The following MAF variants were observed in gnomAD, a reference collection of about 807,000 sequenced individuals.
The protein encoded by MAF is MAF bZIP transcription factor, also known as transcription factor Maf.
MAF carries 10 observed loss-of-function variants against 22.0 expected under a neutral mutation model. That is an observed-to-expected ratio of 0.45 (90% CI 0.28 to 0.77). The LOEUF (loss-of-function observed/expected upper bound fraction) is 0.77. Ranked by LOEUF, MAF falls within the 30% of genes least tolerant of loss-of-function variation. The pLI is 0.12. For missense variants in MAF, 544 were observed against 548.4 expected, an observed-to-expected ratio of 0.99 and a Z score of 0.08; for synonymous variants, 337 against 255.8, an observed-to-expected ratio of 1.32 and a Z score of -3.03.
the MAF span, among the ~76,000 whole-genome samples, chr16:79,459,952 G>A: frequency 6.6e-6 from 1 of 152,120 alleles, no homozygotes; most frequent in Non-Finnish European, 1.5e-5. Context: ...TAAAATCAAG[G>A]AAGCGTATTT....
At chr16:79,384,167 G>C in the MAF span, among the ~76,000 whole-genome samples, 1 of 152,236 alleles carries the variant, frequency 6.6e-6, no homozygotes, top group South Asian at 2.1e-4. Context: ...GTGATGGCCG[G>C]GGGTGGTGAC....
the MAF span, among the ~76,000 whole-genome samples, chr16:79,414,084 T>C: frequency 2.0e-5 from 3 of 152,200 alleles, no homozygotes; most frequent in South Asian, 6.2e-4. Context: ...GCCAGCTTGG[T>C]GGTTGAGGGT....
the MAF span, among the ~76,000 whole-genome samples, chr16:79,310,367 GAT>G: frequency 6.8e-4 from 103 of 151,292 alleles, 1 homozygote; most frequent in African/African-American, 1.6e-3. Context: ...ACGAGAGAGA[GAT>G]AGAGACAGAG....
At chr16:79,287,642 G>A in the MAF span, among the ~76,000 whole-genome samples, 2 of 152,234 alleles carry the variant, frequency 1.3e-5, no homozygotes, top group Non-Finnish European at 2.9e-5. Flanking sequence ...ACTGCATGCA[G>A]AAACATCCAC....
At chr16:79,511,944 C>G in the MAF span, among the ~76,000 whole-genome samples, 3 of 152,174 alleles carry the variant, frequency 2.0e-5, no homozygotes, top group African/African-American at 4.8e-5. Flanking sequence ...CACAGATTGG[C>G]CAGACTGCTG....
At chr16:79,451,328 A>G in the MAF span, among the ~76,000 whole-genome samples, 4 of 152,232 alleles carry the variant, frequency 2.6e-5, no homozygotes, top group African/African-American at 9.6e-5. Flanking sequence ...GGAGGCTAAT[A>G]GGACCACAAA....
At chr16:79,392,143 G>A in the MAF span, among the ~76,000 whole-genome samples, 41 of 149,676 alleles carry the variant, frequency 2.7e-4, 1 homozygote, top group East Asian at 8.1e-3. Flanking sequence ...AACTGGGGAG[G>A]GGGAGAGAGA....
the MAF span, among the ~76,000 whole-genome samples, chr16:79,532,705 T>C: frequency 6.6e-6 from 1 of 152,206 alleles, no homozygotes; most frequent in East Asian, 1.9e-4. Context: ...TGTGAGTGTG[T>C]GTGCGCGTGC....
the MAF span, among the ~76,000 whole-genome samples, chr16:79,356,427 C>T: frequency 1.3e-5 from 2 of 152,162 alleles, no homozygotes; most frequent in African/African-American, 2.4e-5. Flanking sequence ...ATCTCTTATT[C>T]TTGCTATAGA....
At chr16:79,519,462 G>T in the MAF span, among the ~76,000 whole-genome samples, 1 of 152,182 alleles carries the variant, frequency 6.6e-6, no homozygotes, top group Non-Finnish European at 1.5e-5. Flanking sequence ...CGTTTCCAGG[G>T]AGAGCTGCTG....
chr16:79,307,037 C>T, the MAF span, among the ~76,000 whole-genome samples: 1 of 152,216 alleles, frequency 6.6e-6, no homozygotes, highest in African/African-American at 2.4e-5. Context: ...ACTCAAATCC[C>T]GTTCCTGCCA....
chr16:79,223,135 C>A, the MAF span, among the ~76,000 whole-genome samples: 2 of 151,622 alleles, frequency 1.3e-5, no homozygotes, highest in Non-Finnish European at 2.9e-5. Context: ...CACTACTCAG[C>A]AAATGCAAAA....
chr16:79,232,258 C>A, the MAF span, among the ~76,000 whole-genome samples: 69 of 152,136 alleles, frequency 4.5e-4, no homozygotes, highest in African/African-American at 9.4e-4. Context: ...ATACTGTGGT[C>A]TATTAAAATG....
chr16:79,516,475 G>A, the MAF span, among the ~76,000 whole-genome samples: 1 of 152,180 alleles, frequency 6.6e-6, no homozygotes, highest in African/African-American at 2.4e-5. Context: ...GGCTCAGAGA[G>A]GATGAATGAG....
chr16:79,599,187 GCGCCCCCGCCGCCTCCGCCGCCGCCGC>G lies in MAF; in HGVS notation c.689_715del (p.Gly230_Gly238del). The G allele has an allele frequency of 9.2e-7, 1 of 1,082,772 alleles. No individual in the cohort carries two copies. Among genetic ancestry groups the G allele is most frequent in the Non-Finnish European group, 1.1e-6 (1 of 885,576 alleles). 67.1% of individuals were successfully genotyped at this position (1,082,772 alleles called of 1,614,324 possible). ...GTGCAGGGCGCCCCCCGCCCCCGCCGCGCCCCCGCCGCCTCCGCCGCCGCCGCCGCCGCCGCCGCCCCCAGCGCTGGC... is the reference window on the plus strand; with the variant it reads ...GTGCAGGGCGCCCCCCGCCCCCGCCGCGCCGCCGCCGCCCCCAGCGCTGGC... On this transcript the variant is annotated inframe_deletion, in exon 1 of 2. Transcript: ENST00000326043.
At chr16:79,431,708 T>G in the MAF span, among the ~76,000 whole-genome samples, 2 of 152,200 alleles carry the variant, frequency 1.3e-5, no homozygotes, top group Non-Finnish European at 2.9e-5. Flanking sequence ...AAACCTCCCG[T>G]GATTTCATTT....
chr16:79,273,229 A>G, the MAF span, among the ~76,000 whole-genome samples: 91,291 of 151,968 alleles, frequency 0.6, 28,309 homozygotes, highest in Admixed American at 0.69. Flanking sequence ...CCCGGCTGAG[A>G]CACAATGCAA....
At chr16:79,244,191 A>T in the MAF span, among the ~76,000 whole-genome samples, 1 of 152,072 alleles carries the variant, frequency 6.6e-6, no homozygotes, top group Non-Finnish European at 1.5e-5. Context: ...CTCCTATTCA[A>T]CACAGTATCG....
At chr16:79,440,108 T>C in the MAF span, among the ~76,000 whole-genome samples, 2 of 152,194 alleles carry the variant, frequency 1.3e-5, no homozygotes, top group Non-Finnish European at 2.9e-5. Context: ...ATGGTTCAAG[T>C]TCTCCTTTCC....
Sources: allele counts gnomAD v4.1 joint callset (sites outside exome capture counted in the v4.1 genomes callset), GRCh38; gene constraint gnomAD v4.1.1; transcripts MANE v1.5; gene names NCBI Gene and HGNC (gene_info 2026-07-23, HGNC 2026-07-21).